Variants in RNPC3 observed in about 807,000 individuals in gnomAD.
RNPC3 encodes RNA-binding region-containing protein 3.
Under a neutral mutation model 67.5 loss-of-function variants are expected in RNPC3, and 48 were observed. The observed-to-expected ratio is 0.71, with a 90% CI of 0.56 to 0.90. The LOEUF is 0.90. Among genes scored for constraint, RNPC3 ranks in the 40% least tolerant of loss-of-function variants. The pLI, the probability that RNPC3 is intolerant of heterozygous loss-of-function variation, is 0.00. For missense variants in RNPC3, 637 were observed against 626.1 expected (o/e 1.02, Z -0.19); for synonymous variants, 239 against 210.3 (o/e 1.14, Z -1.18).
Position 103,541,352 on chromosome 1 carries a change from TG to T in RNPC3, c.771del (p.Met257IlefsTer4). ...ESTDDEDRQRMNKLMELANLQ... is the reference protein window; with the variant it reads ...ESTDDEDRQRXNKLMELANLQ... Reference sequence around the variant, plus strand: ...TATCATCCCTCTCCTCATTGTAGAATGAACAAATTAATGGAACTAGCAAATC... The same window carrying T: ...TATCATCCCTCTCCTCATTGTAGAATAACAAATTAATGGAACTAGCAAATC... On this transcript the variant is annotated frameshift_variant, in exon 8 of 15. Coordinates refer to ENST00000423855, the MANE Select transcript of RNPC3 (RefSeq NM_017619.4). LOFTEE classifies it high-confidence loss of function. The T allele has an allele frequency of 6.6e-7, 1 of 1,506,486 alleles. No homozygotes were observed. The highest frequency in any genetic ancestry group is 8.8e-7 in the Non-Finnish European group (1 of 1,136,042). The allele number at this position is 1,506,486 out of a possible 1,614,324, so 93.3% of individuals were successfully genotyped here.
At chr1:103,545,143 A>G (rs1651213849) in intron 10 of RNPC3, 41 bp downstream of exon 10, 3 of 1,479,378 alleles carry the variant, frequency 2.0e-6, no homozygotes, top group Non-Finnish European at 2.7e-6. Flanking sequence ...TCCATTTTAC[A>G]TATCTTTGAC....
At chr1:103,526,560 T>A (rs1332545754) in intron 1 of RNPC3, among the ~76,000 whole-genome samples, 1 of 152,188 alleles carries the variant, frequency 6.6e-6, no homozygotes, top group African/African-American at 2.4e-5. Context: ...GCCTCACAAC[T>A]TTTTTGAATT....
chr1:103,531,550 A>G (rs1000329519), intron 2 of RNPC3, among the ~76,000 whole-genome samples: 4 of 152,180 alleles, frequency 2.6e-5, no homozygotes, highest in Non-Finnish European at 5.9e-5. Context: ...TTGCAGGAGT[A>G]AGGAGGTATT....
intron 12 of RNPC3, among the ~76,000 whole-genome samples, chr1:103,548,620 G>C (rs1303850992): frequency 6.6e-6 from 1 of 152,140 alleles, no homozygotes; most frequent in Non-Finnish European, 1.5e-5. Context: ...AACAAGTCTA[G>C]CGAGTTCCAA....
chr1:103,533,650 CA>C (rs61717825), intron 2 of RNPC3, 88 bp from the exon 3 acceptor site: 317,009 of 608,562 alleles, frequency 0.52, 38,050 homozygotes, highest in African/African-American at 0.76. Context: ...ACAGCATTAG[CA>C]AAAAAAAAAA....
chr1:103,545,493 A>G (rs1651221569), intron 10 of RNPC3: 1 of 156,154 alleles, frequency 6.4e-6, no homozygotes. Context: ...TTAGAAATAC[A>G]TGATTTTAGG....
At chr1:103,539,851 G>A (rs1341406361) in intron 7 of RNPC3, among the ~76,000 whole-genome samples, 1 of 151,980 alleles carries the variant, frequency 6.6e-6, no homozygotes, top group Non-Finnish European at 1.5e-5. Flanking sequence ...TGACACCTTT[G>A]CTTGTTTTCT....
chr1:103,544,796 G>A (rs1205526443), intron 9 of RNPC3, 145 bp from the exon 10 acceptor site: 4 of 458,860 alleles, frequency 8.7e-6, no homozygotes, highest in African/African-American at 2.0e-5. Context: ...AAATGTTTGT[G>A]TATGCCTCTT....
chr1:103,551,885 C>CTT (rs74262182), intron 14 of RNPC3, 93 bp downstream of exon 14: 1,256 of 470,096 alleles, frequency 2.7e-3, no homozygotes, highest in Middle Eastern at 4.2e-3. Context: ...TCAGGTATCT[C>CTT]TTTTTTTTTT....
At chr1:103,553,798 C>G (rs1329314726) in intron 14 of RNPC3, 1 of 152,058 alleles carries the variant, frequency 6.6e-6, no homozygotes, top group Non-Finnish European at 1.5e-5. Context: ...AGTAGCAGAC[C>G]TCTCATCTGA....
At chr1:103,546,196 A>C (rs1218940682) in intron 10 of RNPC3, 52 bp from the exon 11 acceptor site, 8 of 864,224 alleles carry the variant, frequency 9.3e-6, no homozygotes, top group Non-Finnish European at 1.3e-5. Context: ...ATCTTTAAAA[A>C]CTTGCTTAAA....
At chr1:103,553,262 G>C (rs1217685025) in intron 14 of RNPC3, 1 of 152,152 alleles carries the variant, frequency 6.6e-6, no homozygotes, top group African/African-American at 2.4e-5. Context: ...GCATTCTGCT[G>C]TTCTTCTTTA....
Position 103,526,002 on chromosome 1 carries a change from C to T in RNPC3, c.-69C>T. The T allele has an allele frequency of 4.0e-6, 5 of 1,244,068 alleles. No individual in the cohort carries two copies. Among genetic ancestry groups the T allele is most frequent in the Non-Finnish European group, 5.5e-6 (5 of 904,746 alleles). 77.1% of individuals were successfully genotyped at this position (1,244,068 alleles called of 1,614,324 possible). On this transcript the variant is annotated 5_prime_UTR_variant, in exon 1 of 15. Transcript: ENST00000423855. ...GAGGCGGAAAAAATATTTCTCCCAG[C>T]TTGTGTTGATGCCGCGATTTTGACT...
At chr1:103,552,203 T>A (rs931583896) in intron 14 of RNPC3, 1 of 152,548 alleles carries the variant, frequency 6.6e-6, no homozygotes, top group Non-Finnish European at 1.5e-5. Context: ...CAGTTTTCCT[T>A]TTAATGAGGG....
At chr1:103,549,650 G>T (rs1429204635) in intron 12 of RNPC3, among the ~76,000 whole-genome samples, 1 of 152,084 alleles carries the variant, frequency 6.6e-6, no homozygotes, top group African/African-American at 2.4e-5. Context: ...TTTTGACTAT[G>T]ATTTTCTCTC....
At chr1:103,529,929 G>T (rs891784860) in intron 2 of RNPC3, among the ~76,000 whole-genome samples, 2 of 152,130 alleles carry the variant, frequency 1.3e-5, no homozygotes, top group African/African-American at 4.8e-5. Context: ...CCTCCAGTCA[G>T]ATCAGCAGTG....
Position 103,535,398 on chromosome 1 carries a change from A to T in RNPC3, c.512A>T (p.Asn171Ile). 2 of 1,535,798 alleles carry T rather than the reference A, an allele frequency of 1.3e-6. No homozygotes were observed. Among genetic ancestry groups the T allele is most frequent in the Non-Finnish European group, 1.7e-6 (2 of 1,145,828 alleles). ...CCACCTTCCAGCACAATCCTAGCAAACATTGTAAATGCCTTGGCAAGCGTG... is the reference window on the plus strand; with the variant it reads ...CCACCTTCCAGCACAATCCTAGCAATCATTGTAAATGCCTTGGCAAGCGTG... ...YPPPSSTILANIVNALASVPK... is the reference protein window; with the variant it reads ...YPPPSSTILAIIVNALASVPK... The change falls in exon 5 of 15, where the codon AAC (asparagine) becomes ATC (isoleucine). Residue 171 changes from asparagine to isoleucine, a missense_variant. By Grantham distance (149) the Asn-to-Ile change is moderately radical. Transcript: ENST00000423855.
chr1:103,540,058 G>A (rs1651087485), intron 7 of RNPC3, among the ~76,000 whole-genome samples: 1 of 152,052 alleles, frequency 6.6e-6, no homozygotes, highest in African/African-American at 2.4e-5. Flanking sequence ...GTAGAGATAG[G>A]GTTTCACCAT....
intron 8 of RNPC3, among the ~76,000 whole-genome samples, chr1:103,542,563 C>T (rs1359855066): frequency 4.0e-5 from 6 of 151,870 alleles, no homozygotes; most frequent in South Asian, 2.1e-4. Flanking sequence ...AAGGGTCAGA[C>T]CGTAGTTATC....
Sources: allele counts gnomAD v4.1 joint callset (sites outside exome capture counted in the v4.1 genomes callset), GRCh38; gene constraint gnomAD v4.1.1; transcripts MANE v1.5; gene names NCBI Gene and HGNC (gene_info 2026-07-23, HGNC 2026-07-21).